The following ATG10 variants were observed in gnomAD, a reference collection of about 807,000 sequenced individuals.
ATG10 encodes the protein ubiquitin-like-conjugating enzyme ATG10.
Under a neutral mutation model 32.1 loss-of-function variants are expected in ATG10, and 30 were observed. The ratio of observed to expected loss-of-function variants is 0.94; its 90% CI spans 0.70 to 1.27. The LOEUF is 1.27. Ranked by LOEUF, ATG10 falls within the 50% of genes most tolerant of loss-of-function variation. ATG10 has a pLI of 0.00. For missense variants in ATG10, 233 were observed against 262.3 expected (o/e 0.89, Z 0.77); for synonymous variants, 87 against 91.5 (o/e 0.95, Z 0.28).
intron 5 of ATG10, among the ~76,000 whole-genome samples, chr5:82,223,135 G>C (rs992502272): frequency 1.3e-5 from 2 of 152,128 alleles, no homozygotes; most frequent in Non-Finnish European, 2.9e-5. Flanking sequence ...ACCAAACAAG[G>C]CTGCAGTTGT....
chr5:82,176,168 G>A (rs1250095138), intron 4 of ATG10, among the ~76,000 whole-genome samples: 1 of 152,110 alleles, frequency 6.6e-6, no homozygotes, highest in Non-Finnish European at 1.5e-5. Context: ...AAAGCTTTAT[G>A]GTAATAGAAA....
At chr5:82,237,790 T>A (rs539728616) in intron 5 of ATG10, among the ~76,000 whole-genome samples, 1 of 152,284 alleles carries the variant, frequency 6.6e-6, no homozygotes, top group South Asian at 2.1e-4. Context: ...ATTTCTGTAA[T>A]CCTTGAATGG....
chr5:82,008,049 G>T (rs957584632), intron 2 of ATG10, among the ~76,000 whole-genome samples: 5 of 152,028 alleles, frequency 3.3e-5, no homozygotes, highest in African/African-American at 4.8e-5. Flanking sequence ...AAATACATTT[G>T]TTGTTGTGAA....
At chr5:82,081,554 A>C (rs541715891) in intron 3 of ATG10, among the ~76,000 whole-genome samples, 1 of 152,280 alleles carries the variant, frequency 6.6e-6, no homozygotes, top group Admixed American at 6.5e-5. Flanking sequence ...ATTTATTGAG[A>C]GTTTTTAGCA....
At chr5:81,988,173 G>T (rs1761344618) in intron 2 of ATG10, among the ~76,000 whole-genome samples, 1 of 152,066 alleles carries the variant, frequency 6.6e-6, no homozygotes, top group Non-Finnish European at 1.5e-5. Context: ...ATCTCACTCT[G>T]TCCCCCACGC....
At chr5:82,013,257 A>G (rs1023052246) in intron 2 of ATG10, among the ~76,000 whole-genome samples, 1 of 152,144 alleles carries the variant, frequency 6.6e-6, no homozygotes, top group Non-Finnish European at 1.5e-5. Context: ...GGCCCATTGT[A>G]TCATTCTTAT....
intron 3 of ATG10, among the ~76,000 whole-genome samples, chr5:82,062,220 G>T (rs1763807168): frequency 6.6e-6 from 1 of 152,060 alleles, no homozygotes; most frequent in Non-Finnish European, 1.5e-5. Flanking sequence ...TTTAAAAAGA[G>T]AGGTTTGCAG....
chr5:82,164,633 G>A, intron 4 of ATG10, 96 bp downstream of exon 4: 2 of 1,263,668 alleles, frequency 1.6e-6, no homozygotes, highest in Non-Finnish European at 2.2e-6. Flanking sequence ...AAAAAAAATA[G>A]AGTTAAAAAT....
chr5:82,231,114 G>T (rs976630828), intron 5 of ATG10, among the ~76,000 whole-genome samples: 11 of 152,146 alleles, frequency 7.2e-5, no homozygotes, highest in African/African-American at 2.4e-4. Flanking sequence ...TTTAAATCAA[G>T]GTTCATCTCA....
At chr5:82,232,169 G>A (rs1746389516) in intron 5 of ATG10, among the ~76,000 whole-genome samples, 1 of 152,140 alleles carries the variant, frequency 6.6e-6, no homozygotes, top group African/African-American at 2.4e-5. Context: ...GCTCAAAAGT[G>A]GTGTCCTTGG....
intron 2 of ATG10, among the ~76,000 whole-genome samples, chr5:82,012,964 CTT>C (rs1327668079): frequency 2.0e-4 from 28 of 137,774 alleles, no homozygotes; most frequent in Admixed American, 1.5e-4. Context: ...TTCTTTCATT[CTT>C]TTTTTTTTTT....
chr5:82,042,596 G>C (rs934967524), intron 2 of ATG10, among the ~76,000 whole-genome samples: 1 of 152,132 alleles, frequency 6.6e-6, no homozygotes, highest in Admixed American at 6.5e-5. Context: ...TTCTGCCTAT[G>C]AGCTTGTAAA....
chr5:81,991,803 A>G (rs1278934179), intron 2 of ATG10, among the ~76,000 whole-genome samples: 4 of 152,096 alleles, frequency 2.6e-5, no homozygotes, highest in Non-Finnish European at 4.4e-5. Flanking sequence ...CTCAAAAAAA[A>G]AAAAAACTTA....
intron 5 of ATG10, among the ~76,000 whole-genome samples, chr5:82,224,868 G>A (rs184115622): frequency 6.6e-6 from 1 of 152,250 alleles, no homozygotes; most frequent in Admixed American, 6.5e-5. Flanking sequence ...TGTCACAAGG[G>A]GAAGTTAGAC....
chr5:82,004,487 TG>T (rs1761935450), intron 2 of ATG10, among the ~76,000 whole-genome samples: 2 of 152,188 alleles, frequency 1.3e-5, no homozygotes, highest in East Asian at 3.9e-4. Context: ...CAACAATCCA[TG>T]AATCTAAAGG....
At chr5:82,239,720 T>G (rs977186436) in intron 5 of ATG10, among the ~76,000 whole-genome samples, 1 of 152,094 alleles carries the variant, frequency 6.6e-6, no homozygotes, top group African/African-American at 2.4e-5. Flanking sequence ...ATCAACAAAG[T>G]GAAGAGATAT....
At chr5:82,171,606 T>C (rs1258174762) in intron 4 of ATG10, among the ~76,000 whole-genome samples, 1 of 152,234 alleles carries the variant, frequency 6.6e-6, no homozygotes, top group Non-Finnish European at 1.5e-5. Context: ...CTCCTACTTA[T>C]TTTGGAATTT....
intron 1 of ATG10, among the ~76,000 whole-genome samples, chr5:81,983,246 C>G (rs1189592727): frequency 1.6e-4 from 24 of 147,002 alleles, no homozygotes; most frequent in African/African-American, 3.2e-4. Flanking sequence ...CCCCCCCCCC[C>G]ACCTCCCTCC....
At position 82,237,664 on chromosome 5, in the gene ATG10, G is replaced by A. The variant is rs547109614; in HGVS notation, c.454-14898G>A. 3.3e-5 allele frequency among the ~76,000 whole-genome samples: 5 copies of A among 151,134 alleles called. No individual in the cohort carries two copies. The South Asian group carries it at 1.0e-3, about 32-fold the overall frequency. The stretch of plus-strand genomic sequence containing the variant: ...TCTCAAAAAAAAAAAAAAAGTCTTT[G>A]CTGCCGTCTCTCTCCCCGAGTCAGA... On this transcript the variant is annotated intron_variant, in intron 5 of 7. Coordinates refer to ENST00000282185, the MANE Select transcript of ATG10 (RefSeq NM_031482.5).
Sources: allele counts gnomAD v4.1 joint callset (sites outside exome capture counted in the v4.1 genomes callset), GRCh38; gene constraint gnomAD v4.1.1; transcripts MANE v1.5; gene names NCBI Gene and HGNC (gene_info 2026-07-23, HGNC 2026-07-21).